The following ABCB5 variants were observed in gnomAD, a reference collection of about 807,000 sequenced individuals.
ABCB5 encodes the protein ATP binding cassette subfamily B member 5.
Under a neutral mutation model 144.2 loss-of-function variants are expected in ABCB5, and 155 were observed. The observed-to-expected ratio is 1.08, with a 90% CI of 0.94 to 1.23. ABCB5 has a LOEUF of 1.23. Among genes scored for constraint, ABCB5 ranks in the 50% most tolerant of loss-of-function variants. The pLI is 0.00. For missense variants in ABCB5, 1,830 were observed against 1,520.8 expected, an observed-to-expected ratio of 1.20 and a Z score of -3.38; for synonymous variants, 610 against 528.6, an observed-to-expected ratio of 1.15 and a Z score of -2.11.
intron 14 of ABCB5, chr7:20,659,263 G>T: frequency 4.0e-6 from 6 of 1,495,214 alleles, no homozygotes; most frequent in Non-Finnish European, 5.3e-6. Flanking sequence ...AGGGGAGTTG[G>T]CAGTGGCGGT....
chr7:20,644,481 T>C (rs1464208783), intron 7 of ABCB5, among the ~76,000 whole-genome samples: 1 of 152,240 alleles, frequency 6.6e-6, no homozygotes, highest in Non-Finnish European at 1.5e-5. Flanking sequence ...AAACAAATTA[T>C]GTACTCGCAT....
chr7:20,742,605 GTC>G (rs1350426575), intron 24 of ABCB5, among the ~76,000 whole-genome samples: 1 of 152,200 alleles, frequency 6.6e-6, no homozygotes, highest in Non-Finnish European at 1.5e-5. Flanking sequence ...GAATGGAACT[GTC>G]TGTGCAGCAA....
In ABCB5 at chr7:20,631,697, C is replaced by T. The variant is rs1784041812; in HGVS notation, c.260-362C>T. ...TTTTTTTGGACTTCTGAAATCATTC[C>T]CTGGAGTGTTTCAAACTTAATTTAA... On this transcript the variant is annotated intron_variant, in intron 4 of 27. Coordinates refer to ENST00000404938, the MANE Select transcript of ABCB5 (RefSeq NM_001163941.2). Among the ~76,000 whole-genome samples, 4 of 151,996 alleles carry T rather than the reference C, an allele frequency of 2.6e-5. No homozygotes were observed. The South Asian group carries it at 8.3e-4, about 31-fold the overall frequency.
chr7:20,622,302 G>A (rs972493061), intron 1 of ABCB5, among the ~76,000 whole-genome samples: 3 of 152,074 alleles, frequency 2.0e-5, no homozygotes, highest in African/African-American at 7.2e-5. Flanking sequence ...CAGATTACTG[G>A]AGATGGTGTA....
At chr7:20,671,114 T>C (rs985736120) in intron 14 of ABCB5, among the ~76,000 whole-genome samples, 3 of 152,152 alleles carry the variant, frequency 2.0e-5, no homozygotes, top group Admixed American at 6.5e-5. Flanking sequence ...AACTTACATA[T>C]GCTGATAATT....
rs1437306275 is a variant in ABCB5 at position 20,711,026 on chromosome 7, A to G, written c.2421+6219A>G. 2.7e-5 allele frequency among the ~76,000 whole-genome samples: 4 copies of G among 149,932 alleles called. 1 individual carries two copies. Among genetic ancestry groups the G allele is most frequent in the Non-Finnish European group, 4.5e-5 (3 of 67,334 alleles). ...TTATCACAGTCTACCTTCAAGCAAT[A>G]TGGATGTCAACTTACAGCGTAAGAA... On this transcript the variant is annotated intron_variant, in intron 20 of 27. Transcript: ENST00000404938.
intron 20 of ABCB5, among the ~76,000 whole-genome samples, chr7:20,717,535 C>T (rs1449496403): frequency 1.3e-5 from 2 of 151,558 alleles, no homozygotes; most frequent in African/African-American, 4.8e-5. Context: ...CTCCGCCTCC[C>T]GGGTTCAAGC....
At chr7:20,689,282 G>A (rs1786124004) in intron 16 of ABCB5, among the ~76,000 whole-genome samples, 1 of 152,154 alleles carries the variant, frequency 6.6e-6, no homozygotes, top group African/African-American at 2.4e-5. Context: ...TCAATGGAAA[G>A]GGCACAGCTG....
intron 23 of ABCB5, among the ~76,000 whole-genome samples, chr7:20,733,288 C>T (rs568080992): frequency 1.4e-4 from 21 of 151,816 alleles, no homozygotes; most frequent in Non-Finnish European, 2.6e-4. Context: ...TTCAAACATT[C>T]GAGTATTCAA....
At chr7:20,717,938 G>T (rs1263064034) in intron 20 of ABCB5, among the ~76,000 whole-genome samples, 1 of 105,078 alleles carries the variant, frequency 9.5e-6, no homozygotes, top group Non-Finnish European at 1.7e-5. Flanking sequence ...GCCTCGCTCT[G>T]TCGCCCAGGC....
chr7:20,714,405 A>T (rs1781604075), intron 20 of ABCB5, among the ~76,000 whole-genome samples: 1 of 151,954 alleles, frequency 6.6e-6, no homozygotes, highest in Non-Finnish European at 1.5e-5. Flanking sequence ...AAGCTTAATT[A>T]AATTTCTTCT....
intron 16 of ABCB5, among the ~76,000 whole-genome samples, chr7:20,687,080 A>T (rs1786027180): frequency 6.6e-6 from 1 of 152,194 alleles, no homozygotes; most frequent in African/African-American, 2.4e-5. Flanking sequence ...AATGGTATAG[A>T]TGGTATACCA....
chr7:20,744,437 G>A (rs573386660), intron 25 of ABCB5, among the ~76,000 whole-genome samples: 19 of 152,072 alleles, frequency 1.2e-4, no homozygotes, highest in African/African-American at 3.4e-4. Flanking sequence ...TAGTCTGAAC[G>A]TCCTTTCCTT....
At position 20,685,727 on chromosome 7, in the gene ABCB5, C is replaced by T. The variant is rs201219505; in HGVS notation, c.1901C>T (p.Ser634Leu). The change falls in exon 16 of 28, where the codon TCA (serine) becomes TTA (leucine). Residue 634 changes from serine (S) to leucine (L), a missense_variant. By Grantham distance (145) the Ser-to-Leu change is moderately radical. Coordinates refer to ENST00000404938, the MANE Select transcript of ABCB5 (RefSeq NM_001163941.2). ...AAAAAAGCTGATGAACAGATGGAGT[C>T]AATGACATATTCTACTGAAAGAAAG... ...DIKKADEQME[S>L]MTYSTERKTN... is the part of the protein sequence containing the mutation. The T allele has an allele frequency of 7.4e-6, 12 of 1,612,208 alleles. No individual in the cohort carries two copies. In the East Asian group the frequency reaches 2.7e-4, roughly 36 times the overall value.
At chr7:20,631,053 T>C (rs1475193548) in intron 4 of ABCB5, among the ~76,000 whole-genome samples, 3 of 152,186 alleles carry the variant, frequency 2.0e-5, no homozygotes, top group African/African-American at 7.2e-5. Flanking sequence ...AGCAGGATTA[T>C]TCGTTCCTAT....
Position 20,643,353 on chromosome 7 carries a change from G to A in ABCB5, c.484G>A (p.Glu162Lys). The A allele has an allele frequency of 6.2e-7, 1 of 1,613,950 alleles. No homozygotes were observed. Among genetic ancestry groups the A allele is most frequent in the Non-Finnish European group, 8.5e-7 (1 of 1,179,880 alleles). Residue 162 changes from glutamate (E) to lysine (K), a missense_variant, in exon 6 of 28, where the codon GAA becomes AAA. Coordinates refer to ENST00000404938, the MANE Select transcript of ABCB5 (RefSeq NM_001163941.2). ...IGWFDSCDIG[E>K]LNTRMTDDID... ...CTGGTTTGATAGCTGTGACATCGGT[G>A]AACTTAACACTCGCATGACAGAGTA... is the stretch of plus-strand genomic sequence containing the variant.
In ABCB5 at chr7:20,628,813, T is replaced by G; in HGVS notation, c.234T>G (p.Ser78Arg). The G allele has an allele frequency of 6.2e-7, 1 of 1,613,738 alleles. No homozygotes were observed. The highest frequency in any genetic ancestry group is 8.5e-7 in the Non-Finnish European group (1 of 1,179,792). Residue 78 changes from serine to arginine, a missense_variant, in exon 4 of 28, where the codon AGT (serine) becomes AGG (arginine). Transcript: ENST00000404938. ...GAGAAATGAGTGATAACCTTATTAG[T>G]GGATGTCTAGTCCAAACTAACACAA... The part of the protein sequence containing the change: ...VLGEMSDNLI[S>R]GCLVQTNTTN...
At chr7:20,691,057 TC>T (rs1786205861) in intron 16 of ABCB5, among the ~76,000 whole-genome samples, 2 of 152,008 alleles carry the variant, frequency 1.3e-5, no homozygotes, top group South Asian at 4.2e-4. Flanking sequence ...GATAGTGATC[TC>T]TGTGGAAGGA....
chr7:20,659,206 A>G (rs1784915373), intron 14 of ABCB5: 2 of 1,604,050 alleles, frequency 1.2e-6, no homozygotes, highest in African/African-American at 2.7e-5. Flanking sequence ...ACATACCTCA[A>G]GGCCATATGC....
Sources: gnomAD v4.1 joint callset for allele counts (sites outside exome capture counted in the v4.1 genomes callset) on GRCh38, gnomAD v4.1.1 for gene constraint, MANE v1.5 for transcripts, NCBI Gene and HGNC (gene_info 2026-07-23, HGNC 2026-07-21) for gene names.